Variants in STAMBP observed in about 807,000 individuals in gnomAD.
STAMBP encodes STAM-binding protein.
STAMBP carries 31 observed loss-of-function variants against 50.7 expected under a neutral mutation model. That is an observed-to-expected ratio of 0.61 (90% CI 0.46 to 0.83). The LOEUF is 0.83. Ranked by LOEUF, STAMBP falls within the 40% of genes least tolerant of loss-of-function variation. The pLI, the probability that STAMBP is intolerant of heterozygous loss-of-function variation, is 0.00. For missense variants in STAMBP, 472 were observed against 518.9 expected (o/e 0.91, Z 0.88); for synonymous variants, 211 against 192.4 (o/e 1.10, Z -0.80).
chr2:73,842,796 T>C (rs79207096), intron 2 of STAMBP, among the ~76,000 whole-genome samples: 3,716 of 152,306 alleles, frequency 0.024, 141 homozygotes, highest in African/African-American at 0.084. Context: ...CAAATATTTA[T>C]TGAGTGCCTC....
intron 7 of STAMBP, among the ~76,000 whole-genome samples, chr2:73,857,276 C>T (rs1677672224): frequency 1.3e-5 from 2 of 152,152 alleles, no homozygotes; most frequent in South Asian, 4.2e-4. Flanking sequence ...CGCCTACAGT[C>T]CTTCATCCAA....
chr2:73,859,413 G>A lies in STAMBP; in HGVS notation c.1118+47G>A, dbSNP rs779933763. 15 of 1,448,124 alleles carry A rather than the reference G, an allele frequency of 1.0e-5. No individual in the cohort carries two copies. The South Asian group carries it at 1.7e-4, about 17-fold the overall frequency. The allele number at this position is 1,448,124 out of a possible 1,614,324, so 89.7% of individuals were successfully genotyped here. A position where few individuals can be genotyped will look rare whatever the true frequency, so the allele number is the denominator to read the frequency against. ...CTGGGTGTTTCAAGGGGGTAGTAGG[G>A]AAGAAAGCCTCAGGGGAAAAGGTCT... On this transcript the variant is annotated intron_variant, in intron 8 of 9. Transcript: ENST00000394070.
downstream of STAMBP, among the ~76,000 whole-genome samples, chr2:73,871,175 T>C (rs886692043): frequency 2.6e-5 from 4 of 152,208 alleles, no homozygotes. Context: ...ACAGGGCCTA[T>C]GATTATGGCC....
downstream of STAMBP, among the ~76,000 whole-genome samples, chr2:73,871,569 T>C (rs906951931): frequency 5.9e-5 from 9 of 151,994 alleles, no homozygotes; most frequent in African/African-American, 2.2e-4. Flanking sequence ...AAAAAATTCT[T>C]TTAATTGCAC....
intron 7 of STAMBP, among the ~76,000 whole-genome samples, chr2:73,852,504 A>G (rs951295591): frequency 1.3e-5 from 2 of 152,220 alleles, no homozygotes; most frequent in Non-Finnish European, 2.9e-5. Flanking sequence ...TTTAGTGCTG[A>G]TCTTGGAAGC....
In STAMBP at chr2:73,859,369, G is replaced by A; in HGVS notation, c.1118+3G>A. Reference sequence around the variant, plus strand: ...GTTTGCTCCCCCAAGTTCCAGGAGTGAGTATAGAGGGCATGGTTCTGGGTG... The same window carrying A: ...GTTTGCTCCCCCAAGTTCCAGGAGTAAGTATAGAGGGCATGGTTCTGGGTG... On this transcript the variant is annotated splice_donor_region_variant and intron_variant, in intron 8 of 9. Transcript: ENST00000394070. 2 of 1,610,702 alleles carry A rather than the reference G, an allele frequency of 1.2e-6. No homozygotes were observed. The highest frequency in any genetic ancestry group is 1.7e-6 in the Non-Finnish European group (2 of 1,176,868).
At chr2:73,837,539 C>G (rs903889348) in intron 2 of STAMBP, among the ~76,000 whole-genome samples, 9 of 127,426 alleles carry the variant, frequency 7.1e-5, no homozygotes, top group African/African-American at 2.9e-4. Flanking sequence ...GAGCCGAGAT[C>G]GCGCCACTGC....
In STAMBP at chr2:73,853,505, C is replaced by T. The variant is rs1041122442; in HGVS notation, c.1005+2992C>T. Among the ~76,000 whole-genome samples, 12 of 152,180 alleles carry T rather than the reference C, an allele frequency of 7.9e-5. 1 individual carries two copies. Among genetic ancestry groups the T allele is most frequent in the Non-Finnish European group, 4.4e-5 (3 of 68,036 alleles). On this transcript the variant is annotated intron_variant, in intron 7 of 9. Transcript: ENST00000394070. Reference sequence around the variant, plus strand: ...TTGGGAGACCAAGGCGGGCAGATCACGAGGTCAGGAGTGCGAGACCAGCCT... The same window carrying T: ...TTGGGAGACCAAGGCGGGCAGATCATGAGGTCAGGAGTGCGAGACCAGCCT...
rs1171586160 is a variant in STAMBP, at chr2:73,834,209, TAAAAAAAAAAAA to T, written c.203+3167_203+3178del. Among the ~76,000 whole-genome samples the T allele has an allele frequency of 3.5e-3, 30 of 8,534 alleles. 1 individual carries two copies. The highest frequency in any genetic ancestry group is 7.3e-3 in the African/African-American group (22 of 3,004). 5.6% of individuals were successfully genotyped at this position (8,534 alleles called of 152,430 possible). On this transcript the variant is annotated intron_variant, in intron 2 of 9. Transcript: ENST00000394070. ...CTGGGGACAGAGCAAGATCATGTCT[TAAAAAAAAAAAA>T]AAAAAAAAAAAAAAAATATATATAT...
At chr2:73,854,302 G>T in intron 7 of STAMBP, among the ~76,000 whole-genome samples, 1 of 152,170 alleles carries the variant, frequency 6.6e-6, no homozygotes, top group East Asian at 1.9e-4. Context: ...GCAAGAGGGA[G>T]ACCAAGGAGG....
At chr2:73,846,980 G>C (rs1051208640) in intron 4 of STAMBP, among the ~76,000 whole-genome samples, 1 of 151,580 alleles carries the variant, frequency 6.6e-6, no homozygotes, top group Non-Finnish European at 1.5e-5. Context: ...TACTCAGGAG[G>C]CTAAGGTGGG....
At position 73,859,318 on chromosome 2, in the gene STAMBP, T is replaced by G; in HGVS notation, c.1070T>G (p.Met357Arg). ...CTACACACTCACTGCTCTTACCAGA[T>G]GATGTTGCCAGAGTCAGTAGCCATT... is the stretch of plus-strand genomic sequence containing the variant. ...VDLHTHCSYQMMLPESVAIVC... is the reference protein window; with the variant it reads ...VDLHTHCSYQRMLPESVAIVC... The change falls in exon 8 of 10, where the codon ATG becomes AGG. Residue 357 changes from methionine to arginine, a missense_variant. Transcript: ENST00000394070. The G allele has an allele frequency of 6.2e-7, 1 of 1,614,162 alleles. No individual in the cohort carries two copies. Among genetic ancestry groups the G allele is most frequent in the Non-Finnish European group, 8.5e-7 (1 of 1,179,998 alleles).
intron 2 of STAMBP, among the ~76,000 whole-genome samples, chr2:73,837,349 G>T (rs1474972112): frequency 2.0e-5 from 3 of 152,060 alleles, no homozygotes; most frequent in Non-Finnish European, 4.4e-5. Context: ...ACTTTGGGAG[G>T]CCAAGGCTGG....
At position 73,862,331 on chromosome 2, in the gene STAMBP, T is replaced by C. The variant is rs1390104116; in HGVS notation, c.*72T>C. 7.1e-7 allele frequency: 1 copy of C among 1,417,324 alleles called. No individual in the cohort carries two copies. The highest frequency in any genetic ancestry group is 2.4e-5 in the East Asian group (1 of 41,060). 87.8% of individuals were successfully genotyped at this position (1,417,324 alleles called of 1,614,324 possible). A position where few individuals can be genotyped will look rare whatever the true frequency, so the allele number is the denominator to read the frequency against. On this transcript the variant is annotated 3_prime_UTR_variant, in exon 10 of 10. Coordinates refer to ENST00000394070, the MANE Select transcript of STAMBP (RefSeq NM_213622.4). ...TACTGTAGCCCCTTAATTTAAGCTT[T>C]CTAGAAAGCTTTGGAAGTTTTTGTA...
chr2:73,843,998 T>A (rs945481613), intron 2 of STAMBP, among the ~76,000 whole-genome samples: 1 of 152,260 alleles, frequency 6.6e-6, no homozygotes, highest in African/African-American at 2.4e-5. Flanking sequence ...GTTAAAAGAA[T>A]AGGCTCTGGA....
rs1256595838 is a variant in STAMBP, at chr2:73,850,365, TC to T, written c.868-9del. ...CAGGGAATTGTGACCAGCTGTTTTC[TC>T]CTTTGGCAGATGAGGAATGAATTTA... On this transcript the variant is annotated splice_polypyrimidine_tract_variant and intron_variant, in intron 6 of 9. Transcript: ENST00000394070. The surrounding 1 kb of genome is among the most constrained non-coding windows in gnomAD (Gnocchi z 4.3). 6.2e-7 allele frequency: 1 copy of T among 1,602,912 alleles called. No individual in the cohort carries two copies. The highest frequency in any genetic ancestry group is 1.1e-5 in the South Asian group (1 of 89,080).
chr2:73,842,164 G>A (rs1008522099), intron 2 of STAMBP, among the ~76,000 whole-genome samples: 2 of 152,064 alleles, frequency 1.3e-5, no homozygotes, highest in Non-Finnish European at 2.9e-5. Context: ...GGCTAAATAC[G>A]GCAGGTTGTC....
chr2:73,850,471 C>T lies in STAMBP; in HGVS notation c.963C>T (p.Leu321=), dbSNP rs373569750. The change falls in exon 7 of 10, where the codon CTC becomes CTT. Residue 321 remains leucine (L), a synonymous_variant. Transcript: ENST00000394070. This position sits in a 1 kb window ranked among gnomAD's most constrained non-coding sequence, Gnocchi z 4.3. The part of the protein sequence containing the change: ...CNTENEEELF[L]IQDQQGLITL... ...CAGAGAACGAAGAAGAACTTTTCCTCATACAGGATCAGCAGGGCCTCATCA... is the reference window on the plus strand; with the variant it reads ...CAGAGAACGAAGAAGAACTTTTCCTTATACAGGATCAGCAGGGCCTCATCA... 8.2e-5 allele frequency: 132 copies of T among 1,613,692 alleles called. No individual in the cohort carries two copies. Among genetic ancestry groups the T allele is most frequent in the Non-Finnish European group, 1.1e-4 (130 of 1,179,904 alleles).
intron 2 of STAMBP, among the ~76,000 whole-genome samples, chr2:73,837,969 T>C (rs1674930363): frequency 6.6e-6 from 1 of 152,060 alleles, no homozygotes; most frequent in Non-Finnish European, 1.5e-5. Context: ...AATAAATTAG[T>C]GTTTGAAAAA....
Sources: gnomAD v4.1 joint callset for allele counts (sites outside exome capture counted in the v4.1 genomes callset) on GRCh38, gnomAD v4.1.1 for gene constraint, Gnocchi (gnomAD v3.1) non-coding constraint, MANE v1.5 for transcripts, NCBI Gene and HGNC (gene_info 2026-07-23, HGNC 2026-07-21) for gene names.